CHCHD3: variants seen among roughly 807,000 people sequenced by gnomAD.
CHCHD3 encodes the protein MICOS complex subunit MIC19.
In CHCHD3, 20 loss-of-function variants were observed where a neutral mutation model predicts 38.2. The observed-to-expected ratio is 0.52, with a 90% CI of 0.37 to 0.76. The LOEUF (loss-of-function observed/expected upper bound fraction) is 0.76, where lower values mean the gene tolerates loss of function less well. Ranked by LOEUF, CHCHD3 falls within the 30% of genes least tolerant of loss-of-function variation. The pLI is 0.00. For synonymous variants in CHCHD3, 82 were observed against 100.0 expected (o/e 0.82, Z 1.07); for missense variants, 245 against 279.2 (o/e 0.88, Z 0.87).
At chr7:132,890,531 T>C (rs1005928316) in intron 4 of CHCHD3, among the ~76,000 whole-genome samples, 3 of 152,172 alleles carry the variant, frequency 2.0e-5, no homozygotes, top group African/African-American at 7.2e-5. Flanking sequence ...TTAGCACAGA[T>C]AATGTACTGT....
At chr7:133,041,503 G>A (rs538703023) in intron 2 of CHCHD3, among the ~76,000 whole-genome samples, 1 of 152,220 alleles carries the variant, frequency 6.6e-6, no homozygotes, top group Non-Finnish European at 1.5e-5. Context: ...AACCTTTAAT[G>A]AAAAAATGTC....
chr7:133,072,226 T>A (rs1814843496), intron 1 of CHCHD3, among the ~76,000 whole-genome samples: 1 of 148,294 alleles, frequency 6.7e-6, no homozygotes, highest in Non-Finnish European at 1.5e-5. Flanking sequence ...TTTCATGGCA[T>A]GTAAATTACT....
intron 4 of CHCHD3, among the ~76,000 whole-genome samples, chr7:132,887,543 C>A (rs1254883040): frequency 2.0e-5 from 3 of 151,476 alleles, no homozygotes; most frequent in Admixed American, 2.0e-4. Context: ...GAAATCCCAA[C>A]ATGTAACTGG....
intron 2 of CHCHD3, chr7:133,034,912 T>C (rs1399074245): frequency 6.2e-7 from 1 of 1,608,222 alleles, no homozygotes; most frequent in Non-Finnish European, 8.5e-7. Context: ...TTGCAGCTCA[T>C]GAAGGTCTGA....
chr7:133,022,233 G>A (rs768160607), intron 3 of CHCHD3, among the ~76,000 whole-genome samples: 8 of 152,172 alleles, frequency 5.3e-5, no homozygotes, highest in African/African-American at 9.7e-5. Flanking sequence ...ACGTAGATGC[G>A]TATGTCCAGC....
intron 6 of CHCHD3, among the ~76,000 whole-genome samples, chr7:132,804,553 A>G (rs1806866776): frequency 1.3e-5 from 2 of 152,198 alleles, no homozygotes; most frequent in Admixed American, 6.5e-5. Context: ...AATTTAAGAG[A>G]GTGCTTTTAA....
chr7:133,070,333 G>A, intron 1 of CHCHD3, 104 bp from the exon 2 acceptor site: 6 of 826,464 alleles, frequency 7.3e-6, no homozygotes, highest in Middle Eastern at 2.3e-4. Context: ...TACATATGAC[G>A]AATGCCCTAA....
intron 5 of CHCHD3, among the ~76,000 whole-genome samples, chr7:132,844,686 T>A (rs1808030279): frequency 6.6e-6 from 1 of 152,182 alleles, no homozygotes. Flanking sequence ...CTCATAAATT[T>A]AAAGTAGAAT....
chr7:132,804,705 C>G (rs1380531793), intron 6 of CHCHD3, among the ~76,000 whole-genome samples: 3 of 152,148 alleles, frequency 2.0e-5, no homozygotes, highest in Non-Finnish European at 4.4e-5. Context: ...CATTACTTTA[C>G]GTGATACACT....
chr7:133,073,503 T>C (rs116767365), intron 1 of CHCHD3, among the ~76,000 whole-genome samples: 1,595 of 152,246 alleles, frequency 0.01, 31 homozygotes, highest in African/African-American at 0.036. Flanking sequence ...GTGTCCAAAA[T>C]TGATCTCACG....
In CHCHD3 at chr7:132,940,951, C is replaced by T. The variant is rs111620751; in HGVS notation, c.369+34218G>A. On this transcript the variant is annotated intron_variant, in intron 4 of 7. Coordinates refer to ENST00000262570, the MANE Select transcript of CHCHD3 (RefSeq NM_017812.4). ...AATCTTAGATCTTGGACTCTGCATCCAAGATCCAAATTCCAATATAACCCA... is the reference window on the plus strand; with the variant it reads ...AATCTTAGATCTTGGACTCTGCATCTAAGATCCAAATTCCAATATAACCCA... Among the ~76,000 whole-genome samples the T allele has an allele frequency of 9.0e-4, 137 of 152,206 alleles. No homozygotes were observed. The Middle Eastern group carries it at 0.031, about 34-fold the overall frequency.
Position 133,035,013 on chromosome 7 carries a change from A to G in CHCHD3, c.170-10386T>C, listed in dbSNP as rs779126061. 1.2e-6 allele frequency: 2 copies of G among 1,612,206 alleles called. No homozygotes were observed. Among genetic ancestry groups the G allele is most frequent in the South Asian group, 2.2e-5 (2 of 90,748 alleles). ...CCAGAAATATGGCAGTGCCACAGAG[A>G]GTGTGTCCTCATTGGAGTACTTGCG... On this transcript the variant is annotated intron_variant, in intron 2 of 7. Transcript: ENST00000262570. This position sits in a 1 kb window ranked among gnomAD's most constrained non-coding sequence, Gnocchi z 4.7.
At chr7:132,987,920 C>T (rs1451699177) in intron 3 of CHCHD3, among the ~76,000 whole-genome samples, 1 of 152,080 alleles carries the variant, frequency 6.6e-6, no homozygotes, top group African/African-American at 2.4e-5. Context: ...TCTACTTACA[C>T]TTAATAAATA....
chr7:132,990,768 C>T (rs1812257193), intron 3 of CHCHD3, among the ~76,000 whole-genome samples: 1 of 152,098 alleles, frequency 6.6e-6, no homozygotes, highest in Non-Finnish European at 1.5e-5. Flanking sequence ...AAAGAGATGA[C>T]ATTACCATTG....
intron 3 of CHCHD3, among the ~76,000 whole-genome samples, chr7:133,004,092 T>A (rs6467458): frequency 6.6e-6 from 1 of 151,438 alleles, no homozygotes. Flanking sequence ...CTGGGATTAC[T>A]GGTGCCCGCC....
At chr7:133,077,240 TGAAA>T (rs1024526481) in intron 1 of CHCHD3, among the ~76,000 whole-genome samples, 8 of 152,318 alleles carry the variant, frequency 5.3e-5, no homozygotes, top group Non-Finnish European at 1.2e-4. Context: ...AATCTAAAGC[TGAAA>T]GAAACTAATC....
intron 5 of CHCHD3, among the ~76,000 whole-genome samples, chr7:132,873,352 A>G (rs1172291992): frequency 6.6e-6 from 1 of 152,074 alleles, no homozygotes; most frequent in Non-Finnish European, 1.5e-5. Context: ...GATAGAATAC[A>G]GTATTATGTT....
At position 132,946,316 on chromosome 7, in the gene CHCHD3, T is replaced by C. The variant is rs540294138; in HGVS notation, c.369+28853A>G. ...ATACCTTTGAAATGTACCTGATATA[T>C]AAAAATAAGCACCAAGCAGTGCCTG... On this transcript the variant is annotated intron_variant, in intron 4 of 7. Transcript: ENST00000262570. 3.3e-5 allele frequency among the ~76,000 whole-genome samples: 5 copies of C among 151,926 alleles called. No homozygotes were observed. The East Asian group carries it at 7.7e-4, about 23-fold the overall frequency.
chr7:132,832,161 A>G (rs1338129242), intron 6 of CHCHD3, among the ~76,000 whole-genome samples: 1 of 152,216 alleles, frequency 6.6e-6, no homozygotes. Context: ...TTTTATCTGT[A>G]TGAGTTCTGC....
Sources: allele counts gnomAD v4.1 joint callset (sites outside exome capture counted in the v4.1 genomes callset), GRCh38; gene constraint gnomAD v4.1.1; non-coding constraint Gnocchi (gnomAD v3.1); transcripts MANE v1.5; gene names NCBI Gene and HGNC (gene_info 2026-07-23, HGNC 2026-07-21).